Variants in SHISA9 observed in about 807,000 individuals in gnomAD.
SHISA9 encodes protein shisa-9.
SHISA9 carries 13 observed loss-of-function variants against 38.0 expected under a neutral mutation model. The observed-to-expected ratio is 0.34, with a 90% CI of 0.22 to 0.54. The LOEUF is 0.54. Ranked by LOEUF, SHISA9 falls within the 20% of genes least tolerant of loss-of-function variation. The pLI, the probability that SHISA9 is intolerant of heterozygous loss-of-function variation, is 0.91. For missense variants in SHISA9, 538 were observed against 575.8 expected, an observed-to-expected ratio of 0.93 and a Z score of 0.67; for synonymous variants, 275 against 242.0, an observed-to-expected ratio of 1.14 and a Z score of -1.27.
the SHISA9 span, among the ~76,000 whole-genome samples, chr16:13,266,912 G>A: frequency 1.3e-5 from 2 of 152,114 alleles, no homozygotes; most frequent in Non-Finnish European, 2.9e-5. Flanking sequence ...GTTGATTCTT[G>A]CATCAGATTC....
chr16:12,997,036 T>C (rs1378421176), intron 2 of SHISA9, among the ~76,000 whole-genome samples: 4 of 152,126 alleles, frequency 2.6e-5, no homozygotes, highest in African/African-American at 9.7e-5. Flanking sequence ...TATAAATCAA[T>C]AAGTTTTGAA....
the SHISA9 span, among the ~76,000 whole-genome samples, chr16:13,549,077 T>A: frequency 6.6e-6 from 1 of 152,188 alleles, no homozygotes; most frequent in Non-Finnish European, 1.5e-5. Context: ...TGTGGATGAA[T>A]CTGGAGATCA....
intron 2 of SHISA9, among the ~76,000 whole-genome samples, chr16:13,004,844 A>T (rs2072575028): frequency 6.6e-6 from 1 of 151,846 alleles, no homozygotes; most frequent in Non-Finnish European, 1.5e-5. Context: ...AGGCAGGAGA[A>T]TCGCTTGAAT....
the SHISA9 span, among the ~76,000 whole-genome samples, chr16:13,366,575 G>C: frequency 6.6e-5 from 10 of 152,238 alleles, no homozygotes; most frequent in Admixed American, 1.3e-4. Flanking sequence ...GGGTGCAGAG[G>C]CTCATGCCTG....
chr16:13,230,895 C>A (rs1009384070), intron 4 of SHISA9, among the ~76,000 whole-genome samples: 2 of 152,086 alleles, frequency 1.3e-5, no homozygotes, highest in African/African-American at 4.8e-5. Flanking sequence ...ACTGTCATGG[C>A]GCTGGTGGGA....
At chr16:13,243,147 G>C (rs767262922), downstream of SHISA9, among the ~76,000 whole-genome samples, 2 of 152,024 alleles carry the variant, frequency 1.3e-5, no homozygotes, top group Non-Finnish European at 2.9e-5. Context: ...GCTGAGGCAG[G>C]GAGAATGGTG....
At chr16:13,199,262 A>G (rs945337487) in intron 2 of SHISA9, among the ~76,000 whole-genome samples, 1 of 152,202 alleles carries the variant, frequency 6.6e-6, no homozygotes, top group Non-Finnish European at 1.5e-5. Context: ...ATGTATTTCC[A>G]GGGGTAGGGG....
At chr16:13,302,991 CTG>C in the SHISA9 span, among the ~76,000 whole-genome samples, 1 of 152,332 alleles carries the variant, frequency 6.6e-6, no homozygotes, top group South Asian at 2.1e-4. Context: ...CCATGCGAAA[CTG>C]TGAGTCAGTT....
chr16:12,919,048 C>G (rs1015794724), intron 2 of SHISA9, among the ~76,000 whole-genome samples: 3 of 152,056 alleles, frequency 2.0e-5, no homozygotes, highest in Non-Finnish European at 2.9e-5. Context: ...ATTATAGATA[C>G]AGAAAAACAT....
chr16:13,394,193 G>T, the SHISA9 span, among the ~76,000 whole-genome samples: 1 of 152,202 alleles, frequency 6.6e-6, no homozygotes, highest in Admixed American at 6.5e-5. Flanking sequence ...AGTCCAGAGA[G>T]AATGAGGAGA....
At chr16:13,042,430 G>A (rs1303594478) in intron 2 of SHISA9, among the ~76,000 whole-genome samples, 2 of 152,146 alleles carry the variant, frequency 1.3e-5, no homozygotes, top group Admixed American at 6.5e-5. Context: ...AAATATAGCT[G>A]ACCCAGGCTT....
the SHISA9 span, among the ~76,000 whole-genome samples, chr16:13,390,518 T>A: frequency 2.0e-5 from 3 of 152,212 alleles, no homozygotes; most frequent in African/African-American, 7.2e-5. Context: ...CCGCCTGTGA[T>A]CTTTCTCACT....
At chr16:13,127,457 GGAGA>G (rs990382003) in intron 2 of SHISA9, among the ~76,000 whole-genome samples, 3 of 151,440 alleles carry the variant, frequency 2.0e-5, no homozygotes, top group Admixed American at 6.6e-5. Context: ...ATCGAGGGAG[GGAGA>G]GAGAGAAACA....
At chr16:13,272,934 C>G in the SHISA9 span, among the ~76,000 whole-genome samples, 1 of 152,094 alleles carries the variant, frequency 6.6e-6, no homozygotes, top group African/African-American at 2.4e-5. Flanking sequence ...TTTTCTCTCT[C>G]TCTGTTTTTA....
chr16:13,099,271 T>G (rs1021959009), intron 2 of SHISA9, among the ~76,000 whole-genome samples: 18 of 148,252 alleles, frequency 1.2e-4, no homozygotes, highest in Non-Finnish European at 2.4e-4. Flanking sequence ...CTAATTGAAG[T>G]GATGGGAAAA....
chr16:13,440,622 C>T, the SHISA9 span, among the ~76,000 whole-genome samples: 2 of 152,106 alleles, frequency 1.3e-5, no homozygotes, highest in Non-Finnish European at 1.5e-5. Context: ...CCTGTGTGTG[C>T]TTTGATTAAA....
chr16:13,154,896 TC>T (rs1399341836), intron 2 of SHISA9, among the ~76,000 whole-genome samples: 1 of 152,200 alleles, frequency 6.6e-6, no homozygotes, highest in Non-Finnish European at 1.5e-5. Context: ...TGTTTCTGCC[TC>T]CCCAAGAAGC....
At chr16:13,174,610 A>T (rs150078) in intron 2 of SHISA9, among the ~76,000 whole-genome samples, 1 of 152,074 alleles carries the variant, frequency 6.6e-6, no homozygotes, top group East Asian at 1.9e-4. Context: ...CTGGGGATGG[A>T]GGGATGAGGT....
At chr16:13,347,439 A>G in the SHISA9 span, among the ~76,000 whole-genome samples, 1 of 152,162 alleles carries the variant, frequency 6.6e-6, no homozygotes, top group Non-Finnish European at 1.5e-5. Flanking sequence ...CACTCTACAC[A>G]AGGCCAGTAC....
Sources: allele counts gnomAD v4.1 joint callset (sites outside exome capture counted in the v4.1 genomes callset), GRCh38; gene constraint gnomAD v4.1.1; transcripts MANE v1.5; gene names NCBI Gene and HGNC (gene_info 2026-07-23, HGNC 2026-07-21).